Variants in LMX1B observed in about 807,000 individuals in gnomAD.
LMX1B encodes the protein LIM homeobox transcription factor 1 beta.
LMX1B carries 12 observed loss-of-function variants against 51.4 expected under a neutral mutation model. The ratio of observed to expected loss-of-function variants is 0.23; its 90% CI spans 0.15 to 0.38. LMX1B has a LOEUF of 0.38. Among genes scored for constraint, LMX1B ranks in the 10% least tolerant of loss-of-function variants. The pLI is 1.00. For synonymous variants in LMX1B, 237 were observed against 235.4 expected, an observed-to-expected ratio of 1.01 and a Z score of -0.06; for missense variants, 445 against 571.1, an observed-to-expected ratio of 0.78 and a Z score of 2.25.
intron 2 of LMX1B, among the ~76,000 whole-genome samples, chr9:126,665,992 T>G (rs1483482726): frequency 1.3e-5 from 2 of 152,230 alleles, no homozygotes; most frequent in Non-Finnish European, 2.9e-5. Flanking sequence ...AGGAGGCCTC[T>G]CATCACAGCT....
chr9:126,693,203 G>C lies in LMX1B; in HGVS notation c.621G>C (p.Lys207Asn), dbSNP rs1466442245. The C allele has an allele frequency of 1.2e-6, 2 of 1,607,680 alleles. No individual in the cohort carries two copies. Among genetic ancestry groups the C allele is most frequent in the Non-Finnish European group, 1.7e-6 (2 of 1,177,566 alleles). Residue 207 changes from lysine (K) to asparagine (N), a missense_variant, in exon 4 of 8, where the codon AAG becomes AAC. Lys to Asn is a moderately conservative substitution (Grantham distance 94). Around this residue, in one of 3 missense-constraint regions of LMX1B, gnomAD observed 273 missense variants for 343.3 expected, o/e 0.80. Coordinates refer to ENST00000373474, the MANE Select transcript of LMX1B (RefSeq NM_001174147.2). ...KPAKGQGSQS[K>N]GSGDDGKDPR... ...CCAAGGGGCAGGGCAGTCAGAGCAA[G>C]GGCAGCGGGGATGACGGGAAGGACC... is the stretch of plus-strand genomic sequence containing the variant.
rs893436351 is a variant in LMX1B at position 126,616,050 on chromosome 9, C to T, written c.326+481C>T. 3.3e-5 allele frequency among the ~76,000 whole-genome samples: 5 copies of T among 152,162 alleles called. No homozygotes were observed. In the South Asian group the frequency reaches 8.3e-4, roughly 25 times the overall value. On this transcript the variant is annotated intron_variant, in intron 2 of 7. Coordinates refer to ENST00000373474, the MANE Select transcript of LMX1B (RefSeq NM_001174147.2). ...TGAACGGCCTGAGCGGCAAGGGAGG[C>T]CCCCTTTCTGCCAGGCTCACTGCTG...
chr9:126,655,925 C>T (rs1324299943), intron 2 of LMX1B, among the ~76,000 whole-genome samples: 1 of 152,194 alleles, frequency 6.6e-6, no homozygotes, highest in East Asian at 1.9e-4. Flanking sequence ...AGGGTATAGA[C>T]AGCTTCCAAG....
At chr9:126,655,932 C>T (rs1039218689) in intron 2 of LMX1B, among the ~76,000 whole-genome samples, 2 of 152,182 alleles carry the variant, frequency 1.3e-5, no homozygotes, top group East Asian at 3.9e-4. Context: ...AGACAGCTTC[C>T]AAGAGGAGGC....
rs1554727269 is a variant in LMX1B, at chr9:126,678,335, A to AAAC, written c.327-12499_327-12498insCAA. Among the ~76,000 whole-genome samples, 335 of 141,324 alleles carry AAAC rather than the reference A, an allele frequency of 2.4e-3. 9 individuals carry two copies. The highest frequency in any genetic ancestry group is 8.4e-3 in the African/African-American group (301 of 35,660). 92.7% of individuals were successfully genotyped at this position (141,324 alleles called of 152,430 possible). A position where few individuals can be genotyped will look rare whatever the true frequency, so the allele number is the denominator to read the frequency against. On this transcript the variant is annotated intron_variant, in intron 2 of 7. Transcript: ENST00000373474. ...AAAAAAAAAAAACAAAAAACAAAAA[A>AAAC]AAAAAACAAAAAGACTGCGGAGAAG...
At chr9:126,655,269 A>C (rs1836091703) in intron 2 of LMX1B, among the ~76,000 whole-genome samples, 1 of 152,162 alleles carries the variant, frequency 6.6e-6, no homozygotes, top group Admixed American at 6.5e-5. Flanking sequence ...TTGCCGCCTC[A>C]CCCGATGTGG....
At chr9:126,687,589 A>G (rs2029950477) in intron 2 of LMX1B, among the ~76,000 whole-genome samples, 1 of 152,220 alleles carries the variant, frequency 6.6e-6, no homozygotes, top group African/African-American at 2.4e-5. Flanking sequence ...TGCCTTGCCT[A>G]AAGCTGCACA....
chr9:126,621,652 C>CCTTTTTTTTTTTTTTTTTTTTTT lies in LMX1B; in HGVS notation c.326+6083_326+6084insCTTTTTTTTTTTTTTTTTTTTTT, dbSNP rs1564145908. On this transcript the variant is annotated intron_variant, in intron 2 of 7. Transcript: ENST00000373474. ...CTATAGGGTTTTTCTCTCTCTCTCT[C>CCTTTTTTTTTTTTTTTTTTTTTT]TTCTTTTTTTTTTTTTTTTTTTTTT... Among the ~76,000 whole-genome samples, 4 of 100,306 alleles carry CCTTTTTTTTTTTTTTTTTTTTTT rather than the reference C, an allele frequency of 4.0e-5. 1 individual carries two copies. The highest frequency in any genetic ancestry group is 1.9e-5 in the Non-Finnish European group (1 of 54,022). The allele number at this position is 100,306 out of a possible 152,430, so 65.8% of individuals were successfully genotyped here. A position where few individuals can be genotyped will look rare whatever the true frequency, so the allele number is the denominator to read the frequency against.
intron 2 of LMX1B, among the ~76,000 whole-genome samples, chr9:126,647,159 A>C (rs1588278264): frequency 6.6e-6 from 1 of 151,972 alleles, no homozygotes; most frequent in Non-Finnish European, 1.5e-5. Flanking sequence ...CTATGATGGC[A>C]CCTGTGAATA....
rs1056222312 is a variant in LMX1B, at chr9:126,698,359, G to C, written c.*1908G>C. On this transcript the variant is annotated 3_prime_UTR_variant, in exon 8 of 8. Coordinates refer to ENST00000373474, the MANE Select transcript of LMX1B (RefSeq NM_001174147.2). ...GGGTCTCACCTGAGGTGTGTGGACC[G>C]GGCTGGCCTCTCCCTGTTTGACATT... 6.6e-6 allele frequency: 1 copy of C among 152,382 alleles called. No homozygotes were observed. The allele number at this position is 152,382 out of a possible 1,614,324, so 9.4% of individuals were successfully genotyped here. A position where few individuals can be genotyped will look rare whatever the true frequency, so the allele number is the denominator to read the frequency against.
rs776372860 is a variant in LMX1B, at chr9:126,696,304, C to T, written c.1062C>T (p.Ser354=). ...GDHMNPYGND[S]IFHDIDSDTS... ...CCTTCTGCCCCCCAGGGAACGACTC[C>T]ATCTTCCATGACATCGACAGCGATA... Residue 354 remains serine, a synonymous_variant, in exon 8 of 8, where the codon TCC becomes TCT. Coordinates refer to ENST00000373474, the MANE Select transcript of LMX1B (RefSeq NM_001174147.2). 5 of 1,614,066 alleles carry T rather than the reference C, an allele frequency of 3.1e-6. No homozygotes were observed. In the Admixed American group the frequency reaches 5.0e-5, roughly 16 times the overall value.
chr9:126,672,057 G>A (rs1836469642), intron 2 of LMX1B, among the ~76,000 whole-genome samples: 1 of 152,256 alleles, frequency 6.6e-6, no homozygotes, highest in South Asian at 2.1e-4. Context: ...CAAGGGGTCA[G>A]TGGATGCTTC....
At chr9:126,683,191 G>C (rs1241541890) in intron 2 of LMX1B, among the ~76,000 whole-genome samples, 2 of 151,074 alleles carry the variant, frequency 1.3e-5, no homozygotes, top group Middle Eastern at 6.8e-3. Context: ...GGGGGAGGCC[G>C]GGAGGCTGGG....
At position 126,690,953 on chromosome 9, in the gene LMX1B, G is replaced by A. The variant is rs1472829563; in HGVS notation, c.444G>A (p.Arg148=). 12 of 1,614,064 alleles carry A rather than the reference G, an allele frequency of 7.4e-6. No homozygotes were observed. Among genetic ancestry groups the A allele is most frequent in the Non-Finnish European group, 1.0e-5 (12 of 1,179,960 alleles). Residue 148 remains arginine, a synonymous_variant, in exon 3 of 8, where the codon CGG becomes CGA. Coordinates refer to ENST00000373474, the MANE Select transcript of LMX1B (RefSeq NM_001174147.2). ...LGCFCCCVCE[R]QLRKGDEFVL... ...GCTTCTGCTGCTGCGTGTGTGAACG[G>A]CAGCTACGCAAGGGCGACGAATTCG...
intron 2 of LMX1B, among the ~76,000 whole-genome samples, chr9:126,685,446 G>C (rs978610738): frequency 6.6e-6 from 1 of 152,198 alleles, no homozygotes; most frequent in African/African-American, 2.4e-5. Context: ...GAGGAGGCAA[G>C]ACCAAACTTT....
intron 2 of LMX1B, among the ~76,000 whole-genome samples, chr9:126,681,582 A>G (rs1426835370): frequency 6.7e-6 from 1 of 150,160 alleles, no homozygotes; most frequent in African/African-American, 2.4e-5. Context: ...TGCCCCCCCT[A>G]CAGGTGCCTA....
At position 126,697,026 on chromosome 9, in the gene LMX1B, G is replaced by T. The variant is rs549542139; in HGVS notation, c.*575G>T. ...GCTCGGAGCCTGAGCCTGGGCAGGC[G>T]CAAAGGGACAGAGAGGCACGTGCAG... On this transcript the variant is annotated 3_prime_UTR_variant, in exon 8 of 8. Coordinates refer to ENST00000373474, the MANE Select transcript of LMX1B (RefSeq NM_001174147.2). The T allele has an allele frequency of 1.3e-4, 22 of 173,490 alleles. No homozygotes were observed. Among genetic ancestry groups the T allele is most frequent in the Admixed American group, 3.8e-4 (7 of 18,408 alleles). 10.7% of individuals were successfully genotyped at this position (173,490 alleles called of 1,614,324 possible). A position where few individuals can be genotyped will look rare whatever the true frequency, so the allele number is the denominator to read the frequency against.
chr9:126,631,224 A>G (rs73669126), intron 2 of LMX1B, among the ~76,000 whole-genome samples: 7,795 of 152,362 alleles, frequency 0.051, 655 homozygotes, highest in African/African-American at 0.18. Context: ...TCCCACAGAC[A>G]TGCCCTTACG....
At chr9:126,619,436 A>T (rs1156414396) in intron 2 of LMX1B, among the ~76,000 whole-genome samples, 2 of 152,072 alleles carry the variant, frequency 1.3e-5, no homozygotes, top group African/African-American at 4.8e-5. Context: ...CCCCTTCCCC[A>T]GTGTGTACCC....
Sources: gnomAD v4.1 joint callset for allele counts (sites outside exome capture counted in the v4.1 genomes callset) on GRCh38, gnomAD v4.1.1 for gene constraint, gnomAD v4.1.1 regional missense constraint, MANE v1.5 for transcripts, NCBI Gene and HGNC (gene_info 2026-07-23, HGNC 2026-07-21) for gene names.